ZFHX4: variants seen among roughly 807,000 people sequenced by gnomAD.
ZFHX4 encodes the protein zinc finger homeobox protein 4.
A neutral mutation model predicts 267.6 loss-of-function variants in ZFHX4; 56 were observed. The ratio of observed to expected loss-of-function variants is 0.21; its 90% confidence interval spans 0.17 to 0.26. The LOEUF (loss-of-function observed/expected upper bound fraction) is 0.26, where lower values mean the gene tolerates loss of function less well. Ranked by LOEUF, ZFHX4 falls within the 10% of genes least tolerant of loss-of-function variation. The pLI, the probability that ZFHX4 is intolerant of heterozygous loss-of-function variation, is 1.00. For synonymous variants in ZFHX4, 1,778 were observed against 1,665.6 expected (o/e 1.07, Z -1.64); for missense variants, 4,332 against 4,420.0 (o/e 0.98, Z 0.56).
Position 76,867,226 on chromosome 8 carries a change from A to G in ZFHX4, c.*2661A>G, listed in dbSNP as rs1320466357. On this transcript the variant is annotated 3_prime_UTR_variant, in exon 11 of 11. Coordinates refer to ENST00000651372, the MANE Select transcript of ZFHX4 (RefSeq NM_024721.5). ...TATTTGAACTTATTCTTCTGGAAATAGTTCATCAAGTATGTTTGTTGCTCA... is the reference window on the plus strand; with the variant it reads ...TATTTGAACTTATTCTTCTGGAAATGGTTCATCAAGTATGTTTGTTGCTCA... 1 of 152,642 alleles carries G rather than the reference A, an allele frequency of 6.6e-6. No homozygotes were observed. Among genetic ancestry groups the G allele is most frequent in the African/African-American group, 2.4e-5 (1 of 41,460 alleles). The allele number at this position is 152,642 out of a possible 1,614,324, so 9.5% of individuals were successfully genotyped here. A position where few individuals can be genotyped will look rare whatever the true frequency, so the allele number is the denominator to read the frequency against.
chr8:76,766,534 T>A (rs1401335436), intron 3 of ZFHX4, among the ~76,000 whole-genome samples: 1 of 152,122 alleles, frequency 6.6e-6, no homozygotes, highest in African/African-American at 2.4e-5. Context: ...AAAACACTAT[T>A]ATTTTTGTGG....
chr8:76,853,725 G>T lies in ZFHX4; in HGVS notation c.6804G>T (p.Arg2268=). 1 of 1,613,650 alleles carries T rather than the reference G, an allele frequency of 6.2e-7. No individual in the cohort carries two copies. The highest frequency in any genetic ancestry group is 8.5e-7 in the Non-Finnish European group (1 of 1,179,804). ...CCACTGTTCTCAATCTGCCTACCCG[G>T]GTTATTGTTGTATGGTTCCAGAATG... ...QLSTVLNLPT[R]VIVVWFQNAR... Residue 2268 remains arginine (R), a synonymous_variant, in exon 10 of 11, where the codon CGG becomes CGT. Coordinates refer to ENST00000651372, the MANE Select transcript of ZFHX4 (RefSeq NM_024721.5).
At chr8:76,823,182 T>C (rs1811699727) in intron 4 of ZFHX4, among the ~76,000 whole-genome samples, 1 of 151,570 alleles carries the variant, frequency 6.6e-6, no homozygotes, top group African/African-American at 2.4e-5. Context: ...TTTAATCCTC[T>C]GCACAGCATC....
chr8:76,733,607 A>G lies in ZFHX4; in HGVS notation c.3093+25559A>G, dbSNP rs568132825. On this transcript the variant is annotated intron_variant, in intron 3 of 10. Coordinates refer to ENST00000651372, the MANE Select transcript of ZFHX4 (RefSeq NM_024721.5). ...ATGCCATAAATAGCAGTATGAAGAA[A>G]ACATATTCATTTACTTTAGTAAATA... The G allele has an allele frequency of 4.6e-5, 7 of 152,336 alleles. No individual in the cohort carries two copies. The South Asian group carries it at 1.4e-3, about 32-fold the overall frequency. 9.4% of individuals were successfully genotyped at this position (152,336 alleles called of 1,614,324 possible).
In ZFHX4 at chr8:76,686,936, GT is replaced by G. The variant is rs772064156; in HGVS notation, c.-47+5319del. On this transcript the variant is annotated intron_variant, in intron 1 of 10. Transcript: ENST00000651372. ...TAAGGGCTGTACCCACAGGGAGAGG[GT>G]TTCCCCCCCTTCTAAGACCACTCTA... is the stretch of plus-strand genomic sequence containing the variant. Among the ~76,000 whole-genome samples the G allele has an allele frequency of 1.4e-3, 213 of 152,286 alleles. 1 individual carries two copies. Among genetic ancestry groups the G allele is most frequent in the Non-Finnish European group, 2.5e-3 (170 of 68,018 alleles).
At chr8:76,774,931 G>A (rs1411701688) in intron 3 of ZFHX4, among the ~76,000 whole-genome samples, 1 of 152,070 alleles carries the variant, frequency 6.6e-6, no homozygotes, top group African/African-American at 2.4e-5. Flanking sequence ...ATCAGTAATA[G>A]TGGCAGCTAA....
intron 4 of ZFHX4, among the ~76,000 whole-genome samples, chr8:76,818,538 G>A (rs2131858901): frequency 6.6e-6 from 1 of 152,276 alleles, no homozygotes. Context: ...GGACCTGGAG[G>A]CAGAGAGCTC....
intron 3 of ZFHX4, among the ~76,000 whole-genome samples, chr8:76,718,507 T>C (rs1288749092): frequency 6.6e-6 from 1 of 152,194 alleles, no homozygotes; most frequent in Non-Finnish European, 1.5e-5. Context: ...TTTTCCATGA[T>C]GAGTATTTCC....
chr8:76,735,831 C>T (rs535439323), intron 3 of ZFHX4, among the ~76,000 whole-genome samples: 18 of 152,064 alleles, frequency 1.2e-4, no homozygotes, highest in East Asian at 7.7e-4. Flanking sequence ...CCTTTTCATC[C>T]GGAATTTGCT....
intron 3 of ZFHX4, among the ~76,000 whole-genome samples, chr8:76,734,963 A>G (rs1346217829): frequency 6.6e-6 from 1 of 152,182 alleles, no homozygotes; most frequent in Non-Finnish European, 1.5e-5. Context: ...AAATTGTTTG[A>G]AGCATATTTT....
Position 76,706,131 on chromosome 8 carries a change from G to T in ZFHX4, c.2043G>T (p.Gln681His). 2 of 1,613,906 alleles carry T rather than the reference G, an allele frequency of 1.2e-6. No homozygotes were observed. The highest frequency in any genetic ancestry group is 1.7e-6 in the Non-Finnish European group (2 of 1,179,914). The change falls in exon 2 of 11, where the codon CAG becomes CAT. Residue 681 changes from glutamine to histidine, a missense_variant. Gln to His is a conservative substitution (Grantham distance 24, BLOSUM62 0). This residue lies in a region of ZFHX4 where 1,195 missense variants were observed against 1,173.6 expected (regional missense o/e 1.02). Transcript: ENST00000651372. Reference sequence around the variant, plus strand: ...CTTGTGTTTATTGTAAGACTGGACAGCCTCACCCCAGGCTTGCCCGGGGTG... The same window carrying T: ...CTTGTGTTTATTGTAAGACTGGACATCCTCACCCCAGGCTTGCCCGGGGTG... Reference protein sequence around the residue: ...GGSCVYCKTGQPHPRLARGES... With the variant: ...GGSCVYCKTGHPHPRLARGES...
intron 4 of ZFHX4, among the ~76,000 whole-genome samples, chr8:76,787,416 G>A (rs186453436): frequency 5.3e-5 from 8 of 152,148 alleles, no homozygotes; most frequent in East Asian, 3.9e-4. Flanking sequence ...GGAAGCAAAG[G>A]CTCTGAGTTT....
intron 3 of ZFHX4, among the ~76,000 whole-genome samples, chr8:76,724,090 C>T (rs1169275063): frequency 6.6e-6 from 1 of 151,962 alleles, no homozygotes; most frequent in East Asian, 1.9e-4. Flanking sequence ...GCTGTATATC[C>T]AGTTGACAAA....
chr8:76,832,629 G>T (rs1811965628), intron 4 of ZFHX4, among the ~76,000 whole-genome samples: 1 of 152,100 alleles, frequency 6.6e-6, no homozygotes. Context: ...AACAGCAGGT[G>T]GTGACTTGCT....
intron 3 of ZFHX4, among the ~76,000 whole-genome samples, chr8:76,729,803 G>C (rs1808950685): frequency 6.6e-6 from 1 of 152,180 alleles, no homozygotes; most frequent in Non-Finnish European, 1.5e-5. Flanking sequence ...CCAGACCAGG[G>C]TAACAGGAAT....
intron 3 of ZFHX4, among the ~76,000 whole-genome samples, chr8:76,773,308 G>A (rs1287669163): frequency 6.6e-6 from 1 of 152,134 alleles, no homozygotes; most frequent in Non-Finnish European, 1.5e-5. Flanking sequence ...GATAAATGGA[G>A]ATGAGCAGAA....
intron 1 of ZFHX4, 150 bp from the exon 2 acceptor site, chr8:76,703,893 T>C: frequency 1.7e-6 from 1 of 596,106 alleles, no homozygotes; most frequent in East Asian, 2.8e-5. Flanking sequence ...ACAAAGTCCG[T>C]CTGTGATAGA....
At chr8:76,786,086 T>C (rs1810681290) in intron 4 of ZFHX4, among the ~76,000 whole-genome samples, 1 of 152,200 alleles carries the variant, frequency 6.6e-6, no homozygotes, top group Admixed American at 6.5e-5. Context: ...GTCAAGTCTA[T>C]TTTTAAATTT....
chr8:76,852,044 T>G lies in ZFHX4; in HGVS notation c.5123T>G (p.Phe1708Cys), dbSNP rs367735366. The part of the protein sequence containing the change: ...LQHELQQQAA[F>C]FQPQFLNPAF... ...CACGAATTACAACAGCAAGCCGCATTCTTTCAGCCTCAGTTTCTAAACCCA... is the reference window on the plus strand; with the variant it reads ...CACGAATTACAACAGCAAGCCGCATGCTTTCAGCCTCAGTTTCTAAACCCA... Residue 1708 changes from phenylalanine to cysteine, a missense_variant, in exon 10 of 11, where the codon TTC (phenylalanine) becomes TGC (cysteine). Around this residue, in one of 7 missense-constraint regions of ZFHX4, gnomAD observed 1,371 missense variants for 1,423.1 expected, o/e 0.96. Coordinates refer to ENST00000651372, the MANE Select transcript of ZFHX4 (RefSeq NM_024721.5). 6.2e-7 allele frequency: 1 copy of G among 1,613,894 alleles called. No individual in the cohort carries two copies. Among genetic ancestry groups the G allele is most frequent in the Non-Finnish European group, 8.5e-7 (1 of 1,179,892 alleles).
Sources: allele counts gnomAD v4.1 joint callset (sites outside exome capture counted in the v4.1 genomes callset), GRCh38; gene constraint gnomAD v4.1.1; regional missense constraint gnomAD v4.1.1; transcripts MANE v1.5; gene names NCBI Gene and HGNC (gene_info 2026-07-23, HGNC 2026-07-21).